PLCB4: variants seen among roughly 807,000 people sequenced by gnomAD.
PLCB4 encodes the protein phospholipase C beta 4.
In PLCB4, 77 loss-of-function variants were observed where a neutral mutation model predicts 178.8. That is an observed-to-expected ratio of 0.43 (90% CI 0.36 to 0.52). The LOEUF is 0.52. PLCB4 is among the 20% of genes least tolerant of loss of function. PLCB4 has a pLI of 0.00. For synonymous variants in PLCB4, 496 were observed against 490.8 expected, an observed-to-expected ratio of 1.01 and a Z score of -0.14; for missense variants, 1,024 against 1,453.4, an observed-to-expected ratio of 0.70 and a Z score of 4.80.
In PLCB4 at chr20:9,147,111, A is replaced by G. The variant is rs955092442; in HGVS notation, c.-79+50769A>G. Among the ~76,000 whole-genome samples, 4 of 152,154 alleles carry G rather than the reference A, an allele frequency of 2.6e-5. No individual in the cohort carries two copies. In the East Asian group the frequency reaches 7.7e-4, roughly 29 times the overall value. On this transcript the variant is annotated intron_variant, in intron 2 of 39. Coordinates refer to ENST00000378473, the MANE Select transcript of PLCB4 (RefSeq NM_001377142.1). Reference sequence around the variant, plus strand: ...AGATTGGATAGAGGTTCAACCCAGAATTGGGGTCTAAGGCTAGGGGAGAAT... The same window carrying G: ...AGATTGGATAGAGGTTCAACCCAGAGTTGGGGTCTAAGGCTAGGGGAGAAT...
intron 2 of PLCB4, among the ~76,000 whole-genome samples, chr20:9,158,692 A>G (rs2092832978): frequency 6.6e-6 from 1 of 152,172 alleles, no homozygotes; most frequent in African/African-American, 2.4e-5. Context: ...AAAACTAAAC[A>G]GTGAAAACCA....
At chr20:9,314,282 A>ATG (rs1488210369) in intron 4 of PLCB4, among the ~76,000 whole-genome samples, 1 of 152,200 alleles carries the variant, frequency 6.6e-6, no homozygotes, top group Non-Finnish European at 1.5e-5. Context: ...TCAGTTCTGG[A>ATG]TGACCAGTGA....
intron 2 of PLCB4, among the ~76,000 whole-genome samples, chr20:9,133,335 T>G (rs551064076): frequency 5.9e-5 from 9 of 152,298 alleles, no homozygotes; most frequent in Admixed American, 3.9e-4. Flanking sequence ...TGGCATGATC[T>G]TGGCTCACTG....
intron 1 of PLCB4, among the ~76,000 whole-genome samples, chr20:9,094,788 A>G (rs1454405936): frequency 6.6e-6 from 1 of 152,188 alleles, no homozygotes; most frequent in South Asian, 2.1e-4. Context: ...GTCATAGATT[A>G]TGATTTGGCT....
intron 25 of PLCB4, among the ~76,000 whole-genome samples, chr20:9,412,926 AT>A (rs1216247641): frequency 1.3e-5 from 2 of 152,156 alleles, no homozygotes; most frequent in African/African-American, 4.8e-5. Flanking sequence ...GTTTGTGTAC[AT>A]TTTTTTCTTT....
chr20:9,393,255 T>G (rs2148424827), intron 17 of PLCB4, among the ~76,000 whole-genome samples: 1 of 152,240 alleles, frequency 6.6e-6, no homozygotes, highest in East Asian at 1.9e-4. Context: ...CCCTTGCACT[T>G]TACCAGATAC....
At chr20:9,192,675 C>A (rs1459253797) in intron 2 of PLCB4, among the ~76,000 whole-genome samples, 2 of 151,440 alleles carry the variant, frequency 1.3e-5, no homozygotes, top group Admixed American at 6.6e-5. Context: ...ATTAGCTGGG[C>A]ATGGTGGTGC....
intron 1 of PLCB4, among the ~76,000 whole-genome samples, chr20:9,077,885 T>C (rs1285787420): frequency 6.6e-6 from 1 of 152,252 alleles, no homozygotes; most frequent in Non-Finnish European, 1.5e-5. Context: ...TCTCTTTTGC[T>C]TTTTACTTAA....
intron 1 of PLCB4, among the ~76,000 whole-genome samples, chr20:9,083,620 A>C (rs143332723): frequency 5.4e-4 from 82 of 152,270 alleles, no homozygotes; most frequent in African/African-American, 1.9e-3. Context: ...TCTGCAGGTT[A>C]GGTATAATTA....
At chr20:9,417,290 G>T (rs1199516798) in intron 25 of PLCB4, among the ~76,000 whole-genome samples, 1 of 152,046 alleles carries the variant, frequency 6.6e-6, no homozygotes, top group Non-Finnish European at 1.5e-5. Flanking sequence ...CTACCCCGTG[G>T]ACATGAGGGG....
At chr20:9,085,069 G>GAT (rs1555813573) in intron 1 of PLCB4, among the ~76,000 whole-genome samples, 1 of 106,128 alleles carries the variant, frequency 9.4e-6, no homozygotes, top group Non-Finnish European at 2.2e-5. Flanking sequence ...AAAAAAAAAA[G>GAT]AATATATTAC....
At chr20:9,270,824 C>CA (rs1199137332) in intron 3 of PLCB4, among the ~76,000 whole-genome samples, 49 of 148,780 alleles carry the variant, frequency 3.3e-4, no homozygotes, top group African/African-American at 1.1e-3. Context: ...ATGAGTTTTC[C>CA]AAAAAAAAAC....
chr20:9,252,215 C>T (rs112656867), intron 3 of PLCB4, among the ~76,000 whole-genome samples: 20 of 152,206 alleles, frequency 1.3e-4, no homozygotes, highest in South Asian at 4.2e-4. Context: ...TTCACATGTT[C>T]GGTAGCCACA....
At chr20:9,345,250 A>C (rs2033674621) in intron 7 of PLCB4, among the ~76,000 whole-genome samples, 2 of 152,180 alleles carry the variant, frequency 1.3e-5, no homozygotes, top group Admixed American at 1.3e-4. Flanking sequence ...AACTGAAATA[A>C]AGCTCTTTTT....
At chr20:9,287,452 A>G in intron 3 of PLCB4, among the ~76,000 whole-genome samples, 1 of 152,074 alleles carries the variant, frequency 6.6e-6, no homozygotes, top group East Asian at 1.9e-4. Flanking sequence ...TACAGAATGA[A>G]CTGTTTTGAT....
At chr20:9,356,239 A>G (rs1434952916) in intron 7 of PLCB4, among the ~76,000 whole-genome samples, 20 of 151,958 alleles carry the variant, frequency 1.3e-4, no homozygotes. Context: ...CCCATTTTGT[A>G]GGTTGCCTGT....
At chr20:9,300,468 C>T (rs1029266457) in intron 3 of PLCB4, among the ~76,000 whole-genome samples, 1 of 152,120 alleles carries the variant, frequency 6.6e-6, no homozygotes, top group Non-Finnish European at 1.5e-5. Context: ...CAGATGAATT[C>T]ATTTTTTCAC....
At chr20:9,142,126 G>A (rs1375494790) in intron 2 of PLCB4, among the ~76,000 whole-genome samples, 1 of 152,126 alleles carries the variant, frequency 6.6e-6, no homozygotes, top group Non-Finnish European at 1.5e-5. Context: ...CAGTTGGTGA[G>A]GTAGTTTTGA....
chr20:9,203,814 T>G (rs1324225002), intron 2 of PLCB4, among the ~76,000 whole-genome samples: 3 of 149,942 alleles, frequency 2.0e-5, no homozygotes, highest in Admixed American at 1.3e-4. Context: ...CCCATTTCTT[T>G]GTCACTTGCA....
Sources: allele counts gnomAD v4.1 joint callset (sites outside exome capture counted in the v4.1 genomes callset), GRCh38; gene constraint gnomAD v4.1.1; transcripts MANE v1.5; gene names NCBI Gene and HGNC (gene_info 2026-07-23, HGNC 2026-07-21).